ROR2: variants seen among roughly 807,000 people sequenced by gnomAD.
ROR2 encodes tyrosine-protein kinase transmembrane receptor ROR2.
ROR2 carries 33 observed loss-of-function variants against 74.9 expected under a neutral mutation model. The observed-to-expected ratio is 0.44, with a 90% CI of 0.33 to 0.59. The LOEUF (loss-of-function observed/expected upper bound fraction) is 0.59. ROR2 is among the 20% of genes least tolerant of loss of function. The probability of loss-of-function intolerance (pLI) is 0.02; values close to 1 mark genes in which losing one functional copy is unlikely to be tolerated. For missense variants in ROR2, 1,216 were observed against 1,313.8 expected (o/e 0.93, Z 1.15); for synonymous variants, 586 against 558.7 (o/e 1.05, Z -0.69).
At chr9:91,945,400 T>C (rs555201298) in intron 1 of ROR2, among the ~76,000 whole-genome samples, 1 of 152,112 alleles carries the variant, frequency 6.6e-6, no homozygotes, top group South Asian at 2.1e-4. Context: ...AGGCTAGGAG[T>C]ATTTGGGATT....
At chr9:91,885,103 C>G (rs575910876) in intron 1 of ROR2, among the ~76,000 whole-genome samples, 1 of 152,172 alleles carries the variant, frequency 6.6e-6, no homozygotes, top group African/African-American at 2.4e-5. Context: ...GCAGCTCTCT[C>G]TAGTTCCCAC....
intron 4 of ROR2, among the ~76,000 whole-genome samples, chr9:91,754,752 C>T (rs7849691): frequency 0.07 from 10,609 of 152,214 alleles, 480 homozygotes; most frequent in African/African-American, 0.12. Flanking sequence ...TCCAAAGCCC[C>T]ATAATTGTGC....
chr9:91,948,861 G>T, intron 1 of ROR2: 1 of 985,314 alleles, frequency 1.0e-6, no homozygotes, highest in Non-Finnish European at 1.2e-6. Flanking sequence ...ACCCCCGCAG[G>T]GTGCCGAGAA....
intron 1 of ROR2, among the ~76,000 whole-genome samples, chr9:91,833,751 T>A (rs1828537409): frequency 6.6e-6 from 1 of 151,846 alleles, no homozygotes. Context: ...GGAGCTGTCC[T>A]GGACATCTGC....
intron 1 of ROR2, among the ~76,000 whole-genome samples, chr9:91,917,070 T>C (rs1291634133): frequency 6.6e-6 from 1 of 152,174 alleles, no homozygotes; most frequent in East Asian, 1.9e-4. Flanking sequence ...TCACCAACCA[T>C]TTCGTTGAAG....
chr9:91,842,244 A>G (rs113928449), intron 1 of ROR2, among the ~76,000 whole-genome samples: 2 of 152,312 alleles, frequency 1.3e-5, no homozygotes, highest in African/African-American at 4.8e-5. Context: ...TCATCCCCTA[A>G]TTACTCGAGC....
intron 1 of ROR2, among the ~76,000 whole-genome samples, chr9:91,823,926 C>A (rs1371573684): frequency 1.3e-5 from 2 of 152,230 alleles, no homozygotes; most frequent in Non-Finnish European, 2.9e-5. Context: ...CCAGCGGTTC[C>A]TCTAAGATCC....
chr9:91,908,615 TAAAC>T (rs1830876346), intron 1 of ROR2, among the ~76,000 whole-genome samples: 1 of 152,112 alleles, frequency 6.6e-6, no homozygotes, highest in African/African-American at 2.4e-5. Flanking sequence ...CAGTGGGAAA[TAAAC>T]AATATCAGTC....
At chr9:91,778,710 C>T (rs1292947919) in intron 1 of ROR2, among the ~76,000 whole-genome samples, 1 of 152,126 alleles carries the variant, frequency 6.6e-6, no homozygotes, top group Non-Finnish European at 1.5e-5. Flanking sequence ...CTTAAGTGTG[C>T]CCTACATGAC....
At chr9:91,783,723 G>A (rs560302677) in intron 1 of ROR2, among the ~76,000 whole-genome samples, 3 of 152,240 alleles carry the variant, frequency 2.0e-5, no homozygotes, top group South Asian at 2.1e-4. Context: ...ACGGCTCTGC[G>A]AGCCTGGAGG....
chr9:91,934,592 GTTCT>G (rs941885960), intron 1 of ROR2, among the ~76,000 whole-genome samples: 13 of 152,114 alleles, frequency 8.5e-5, no homozygotes, highest in Non-Finnish European at 1.6e-4. Context: ...TTTGGCTGTT[GTTCT>G]TTCTTTTTCA....
chr9:91,810,976 T>G (rs1351293943), intron 1 of ROR2, among the ~76,000 whole-genome samples: 1 of 152,204 alleles, frequency 6.6e-6, no homozygotes, highest in Non-Finnish European at 1.5e-5. Flanking sequence ...CGTCACGTGG[T>G]TCTTTTTCTC....
At position 91,740,357 on chromosome 9, in the gene ROR2, G is replaced by A. The variant is rs140768999; in HGVS notation, c.495-2839C>T. Among the ~76,000 whole-genome samples the A allele has an allele frequency of 3.4e-3, 519 of 152,154 alleles. 3 individuals are homozygous for A. The highest frequency in any genetic ancestry group is 0.012 in the African/African-American group (494 of 41,494). On this transcript the variant is annotated intron_variant, in intron 4 of 8. Transcript: ENST00000375708. ...AGGTCAGAAGATCGAGACCATCCTG[G>A]CTAACACGGTGAAACCCCATCTCTA...
chr9:91,864,487 A>G (rs1362846634), intron 1 of ROR2, among the ~76,000 whole-genome samples: 2 of 152,214 alleles, frequency 1.3e-5, no homozygotes, highest in Admixed American at 1.3e-4. Context: ...CTGCTACACA[A>G]TCTTAATTAT....
rs1029312136 is a variant in ROR2, at chr9:91,821,978, C to G, written c.98-46160G>C. ...AAGCAAAGGAAAGATGGAAGGAAGA[C>G]AGCTAAAATATATATATACAAAAAA... On this transcript the variant is annotated intron_variant, in intron 1 of 8. Coordinates refer to ENST00000375708, the MANE Select transcript of ROR2 (RefSeq NM_004560.4). 3.3e-4 allele frequency among the ~76,000 whole-genome samples: 47 copies of G among 141,704 alleles called. 1 individual carries two copies. Among genetic ancestry groups the G allele is most frequent in the African/African-American group, 1.2e-3 (44 of 38,122 alleles). The allele number at this position is 141,704 out of a possible 152,430, so 93.0% of individuals were successfully genotyped here. A position where few individuals can be genotyped will look rare whatever the true frequency, so the allele number is the denominator to read the frequency against.
chr9:91,786,123 C>G (rs535734340), intron 1 of ROR2, among the ~76,000 whole-genome samples: 1 of 132,132 alleles, frequency 7.6e-6, no homozygotes, highest in East Asian at 2.3e-4. Context: ...GAGTTCAAGA[C>G]TAGCCTGGGT....
intron 1 of ROR2, among the ~76,000 whole-genome samples, chr9:91,792,336 C>A (rs1350127930): frequency 7.2e-6 from 1 of 139,730 alleles, no homozygotes; most frequent in Non-Finnish European, 1.5e-5. Context: ...GAGACGGAGT[C>A]TCGCTCTGTC....
chr9:91,854,057 G>T (rs1346610604), intron 1 of ROR2, among the ~76,000 whole-genome samples: 1 of 152,160 alleles, frequency 6.6e-6, no homozygotes, highest in African/African-American at 2.4e-5. Context: ...CAGAGGTAGT[G>T]CATGAGTAGG....
At chr9:91,879,526 C>T (rs1195663741) in intron 1 of ROR2, among the ~76,000 whole-genome samples, 1 of 151,724 alleles carries the variant, frequency 6.6e-6, no homozygotes, top group Non-Finnish European at 1.5e-5. Flanking sequence ...CCCAGCCACC[C>T]ATGTCCCCCA....
Sources: allele counts gnomAD v4.1 joint callset (sites outside exome capture counted in the v4.1 genomes callset), GRCh38; gene constraint gnomAD v4.1.1; transcripts MANE v1.5; gene names NCBI Gene and HGNC (gene_info 2026-07-23, HGNC 2026-07-21).